Variants in DOCK2 observed in about 807,000 individuals in gnomAD.
DOCK2 encodes dedicator of cytokinesis 2.
Under a neutral mutation model 248.9 loss-of-function variants are expected in DOCK2, and 87 were observed. The observed-to-expected ratio is 0.35, with a 90% CI of 0.29 to 0.42. DOCK2 has a LOEUF of 0.42. Ranked by LOEUF, DOCK2 falls within the 10% of genes least tolerant of loss-of-function variation. The probability of loss-of-function intolerance (pLI) is 1.00; values close to 1 mark genes in which losing one functional copy is unlikely to be tolerated. For missense variants in DOCK2, 1,747 were observed against 2,300.2 expected, an observed-to-expected ratio of 0.76 and a Z score of 4.92; for synonymous variants, 805 against 821.6, an observed-to-expected ratio of 0.98 and a Z score of 0.35.
At chr5:169,866,438 A>C (rs1771565349) in intron 27 of DOCK2, among the ~76,000 whole-genome samples, 1 of 152,246 alleles carries the variant, frequency 6.6e-6, no homozygotes, top group Admixed American at 6.5e-5. Flanking sequence ...GTGCCTACGC[A>C]AAGGACCTCA....
intron 27 of DOCK2, among the ~76,000 whole-genome samples, chr5:169,977,910 A>G (rs1777773107): frequency 6.6e-6 from 1 of 152,188 alleles, no homozygotes; most frequent in East Asian, 1.9e-4. Context: ...AATTTCATCC[A>G]AGAATAAAAT....
At chr5:169,946,751 C>T (rs1412116080) in intron 27 of DOCK2, among the ~76,000 whole-genome samples, 1 of 152,208 alleles carries the variant, frequency 6.6e-6, no homozygotes, top group East Asian at 1.9e-4. Context: ...GATAGGCAAT[C>T]TGAAAGTCAC....
At chr5:169,856,962 TAGTATAC>T (rs1770929811) in intron 27 of DOCK2, among the ~76,000 whole-genome samples, 1 of 152,332 alleles carries the variant, frequency 6.6e-6, no homozygotes, top group African/African-American at 2.4e-5. Flanking sequence ...AAATCTAATA[TAGTATAC>T]TTACGGATTC....
intron 2 of DOCK2, among the ~76,000 whole-genome samples, chr5:169,664,919 A>G (rs1331658377): frequency 1.3e-5 from 2 of 151,800 alleles, no homozygotes; most frequent in African/African-American, 4.8e-5. Context: ...ACTCTTAAGC[A>G]CTCATCACTC....
At position 169,798,676 on chromosome 5, in the gene DOCK2, T is replaced by A. The variant is rs561348721; in HGVS notation, c.2555-4382T>A. On this transcript the variant is annotated intron_variant, in intron 25 of 51. Coordinates refer to ENST00000520908, the MANE Select transcript of DOCK2 (RefSeq NM_004946.3). Reference sequence around the variant, plus strand: ...TGTCTACTCAAGTCTGCTTCTTATCTCTGTTGGCTCCGTGCAGTGCTGGGT... The same window carrying A: ...TGTCTACTCAAGTCTGCTTCTTATCACTGTTGGCTCCGTGCAGTGCTGGGT... Among the ~76,000 whole-genome samples the A allele has an allele frequency of 2.6e-5, 4 of 152,234 alleles. No individual in the cohort carries two copies. The South Asian group carries it at 8.3e-4, about 32-fold the overall frequency.
At chr5:169,948,693 A>C (rs1197880343) in intron 27 of DOCK2, among the ~76,000 whole-genome samples, 1 of 149,508 alleles carries the variant, frequency 6.7e-6, no homozygotes, top group Non-Finnish European at 1.5e-5. Context: ...GGCTCACTGC[A>C]GTCTGGAACT....
At chr5:169,716,971 G>A (rs1761946553) in intron 20 of DOCK2, among the ~76,000 whole-genome samples, 2 of 152,304 alleles carry the variant, frequency 1.3e-5, no homozygotes, top group Non-Finnish European at 2.9e-5. Flanking sequence ...TGCTTCCCCA[G>A]AGAGTACCCT....
intron 27 of DOCK2, among the ~76,000 whole-genome samples, chr5:169,868,715 AC>A (rs1771752560): frequency 6.6e-6 from 1 of 152,186 alleles, no homozygotes; most frequent in Non-Finnish European, 1.5e-5. Context: ...CTATGAGTGC[AC>A]CACTGCACTC....
intron 33 of DOCK2, among the ~76,000 whole-genome samples, 192 bp from the exon 34 acceptor site, chr5:170,027,671 G>T (rs186906269): frequency 6.6e-6 from 1 of 151,886 alleles, no homozygotes; most frequent in Non-Finnish European, 1.5e-5. Context: ...ATCACCCATG[G>T]CTCCCCTTCA....
chr5:169,954,608 G>A (rs771128975), intron 27 of DOCK2, among the ~76,000 whole-genome samples: 2 of 152,238 alleles, frequency 1.3e-5, no homozygotes, highest in Non-Finnish European at 2.9e-5. Context: ...TTATGAAAGG[G>A]ATAACTCAGG....
chr5:169,822,388 T>C (rs1768513738), intron 26 of DOCK2, among the ~76,000 whole-genome samples: 1 of 152,156 alleles, frequency 6.6e-6, no homozygotes, highest in Non-Finnish European at 1.5e-5. Flanking sequence ...CCTCAACAAA[T>C]GTAAAAGAAC....
In DOCK2 at chr5:169,671,093, C is replaced by T; in HGVS notation, c.240C>T (p.Ile80=). ...TVEKRRNTEN[I]IPAEIPLAQE... ...CCTTAAATAGAAATACTGAGAACAT[C>T]ATTCCTGCAGAAATTCCTCTGGCAC... is the stretch of plus-strand genomic sequence containing the variant. The change falls in exon 5 of 52, where the codon ATC becomes ATT. Residue 80 remains isoleucine (I), a synonymous_variant. Transcript: ENST00000520908. 6.2e-7 allele frequency: 1 copy of T among 1,614,024 alleles called. No individual in the cohort carries two copies. Among genetic ancestry groups the T allele is most frequent in the Non-Finnish European group, 8.5e-7 (1 of 1,179,928 alleles).
chr5:169,946,286 C>T (rs1384166629), intron 27 of DOCK2, among the ~76,000 whole-genome samples: 4 of 152,186 alleles, frequency 2.6e-5, no homozygotes, highest in Non-Finnish European at 5.9e-5. Context: ...CCAGCCCAGC[C>T]AGGGGTATCC....
At position 169,793,101 on chromosome 5, in the gene DOCK2, A is replaced by C. The variant is rs548830857; in HGVS notation, c.2555-9957A>C. 2.0e-5 allele frequency among the ~76,000 whole-genome samples: 3 copies of C among 152,290 alleles called. No individual in the cohort carries two copies. The East Asian group carries it at 5.8e-4, about 29-fold the overall frequency. On this transcript the variant is annotated intron_variant, in intron 25 of 51. Coordinates refer to ENST00000520908, the MANE Select transcript of DOCK2 (RefSeq NM_004946.3). The stretch of plus-strand genomic sequence containing the variant: ...GGAGAGATGTTGATGGGAGTCTTTC[A>C]TTACTTGCCAGTTGAGGCCAGGAAA...
chr5:169,714,069 C>T lies in DOCK2; in HGVS notation c.1701C>T (p.Thr567=), dbSNP rs1385053926. ...KKMEDASAYL[T]LPSYRHHVEN... is the part of the protein sequence containing the mutation. ...TGGAGGATGCCAGCGCATACCTGAC[C>T]CTTCCTTCTTATCGACACCATGTGG... The change falls in exon 18 of 52, where the codon ACC becomes ACT. Residue 567 remains threonine, a synonymous_variant. Transcript: ENST00000520908. 1.2e-6 allele frequency: 2 copies of T among 1,613,016 alleles called. No homozygotes were observed. Among genetic ancestry groups the T allele is most frequent in the East Asian group, 4.5e-5 (2 of 44,832 alleles).
chr5:169,676,932 G>A (rs192984662), intron 6 of DOCK2, among the ~76,000 whole-genome samples: 1 of 152,260 alleles, frequency 6.6e-6, no homozygotes, highest in East Asian at 1.9e-4. Flanking sequence ...AACTTCTGAA[G>A]CGCTCACTGT....
chr5:170,065,862 T>C (rs1260158070), intron 44 of DOCK2, among the ~76,000 whole-genome samples: 2 of 152,070 alleles, frequency 1.3e-5, no homozygotes, highest in Non-Finnish European at 2.9e-5. Context: ...GTATCAGATA[T>C]GTTGCCTACA....
chr5:169,700,676 T>TA (rs1306472895), intron 13 of DOCK2, among the ~76,000 whole-genome samples: 1 of 152,168 alleles, frequency 6.6e-6, no homozygotes, highest in Non-Finnish European at 1.5e-5. Flanking sequence ...TGTATAATTT[T>TA]AAAAAATGAG....
intron 27 of DOCK2, among the ~76,000 whole-genome samples, chr5:169,963,615 A>G (rs1168736708): frequency 6.6e-6 from 1 of 152,066 alleles, no homozygotes; most frequent in African/African-American, 2.4e-5. Flanking sequence ...GTGCACATCA[A>G]AGCAGGAGTT....
Sources: allele counts gnomAD v4.1 joint callset (sites outside exome capture counted in the v4.1 genomes callset), GRCh38; gene constraint gnomAD v4.1.1; transcripts MANE v1.5; gene names NCBI Gene and HGNC (gene_info 2026-07-23, HGNC 2026-07-21).